The following TNFAIP8 variants were observed in gnomAD, a reference collection of about 807,000 sequenced individuals.
TNFAIP8 encodes the protein TNF alpha induced protein 8.
In TNFAIP8, 7 loss-of-function variants were observed where a neutral mutation model predicts 13.3. The ratio of observed to expected loss-of-function variants is 0.52; its 90% CI spans 0.30 to 0.99. TNFAIP8 has a LOEUF of 0.99. Ranked by LOEUF, TNFAIP8 falls within the 50% of genes least tolerant of loss-of-function variation. The pLI is 0.07. For missense variants in TNFAIP8, 258 were observed against 236.9 expected (o/e 1.09, Z -0.58); for synonymous variants, 94 against 87.6 (o/e 1.07, Z -0.41).
chr5:119,382,059 T>C (rs1006592821), intron 1 of TNFAIP8, among the ~76,000 whole-genome samples: 5 of 152,248 alleles, frequency 3.3e-5, no homozygotes, highest in Admixed American at 1.3e-4. Flanking sequence ...TTCTGACATA[T>C]AGGTACACTG....
intron 1 of TNFAIP8, among the ~76,000 whole-genome samples, chr5:119,299,335 C>T (rs1181470976): frequency 1.3e-5 from 2 of 152,128 alleles, no homozygotes; most frequent in East Asian, 1.9e-4. Flanking sequence ...AGTCAGGACC[C>T]TCAGCTGCAG....
chr5:119,373,978 T>C (rs958711785), intron 1 of TNFAIP8, among the ~76,000 whole-genome samples: 1 of 152,208 alleles, frequency 6.6e-6, no homozygotes, highest in Non-Finnish European at 1.5e-5. Context: ...TTTTTCCTCA[T>C]TGAATTATTT....
chr5:119,273,766 G>A (rs1289609072), intron 1 of TNFAIP8, among the ~76,000 whole-genome samples: 1 of 152,192 alleles, frequency 6.6e-6, no homozygotes, highest in African/African-American at 2.4e-5. Context: ...GAAGTTGCGT[G>A]AGGTCCGGGA....
At chr5:119,302,197 G>A (rs1749417511) in intron 1 of TNFAIP8, among the ~76,000 whole-genome samples, 1 of 152,206 alleles carries the variant, frequency 6.6e-6, no homozygotes, top group Admixed American at 6.5e-5. Context: ...CAAACCACCT[G>A]TTGAATTTGG....
chr5:119,360,093 A>G (rs1751576206), intron 1 of TNFAIP8, among the ~76,000 whole-genome samples: 1 of 152,132 alleles, frequency 6.6e-6, no homozygotes, highest in South Asian at 2.1e-4. Context: ...CACTTCTGAA[A>G]TTTTTATCAT....
At chr5:119,332,366 G>C (rs1015514268) in intron 1 of TNFAIP8, among the ~76,000 whole-genome samples, 3 of 151,984 alleles carry the variant, frequency 2.0e-5, no homozygotes, top group East Asian at 1.9e-4. Context: ...AATTATTCAG[G>C]GGTGTTAAAT....
At chr5:119,290,737 C>T (rs1404606855) in intron 1 of TNFAIP8, among the ~76,000 whole-genome samples, 1 of 152,080 alleles carries the variant, frequency 6.6e-6, no homozygotes, top group Non-Finnish European at 1.5e-5. Flanking sequence ...TGGGATGCCT[C>T]AAAGGAAGGA....
chr5:119,294,406 C>A (rs1179386785), intron 1 of TNFAIP8, among the ~76,000 whole-genome samples: 5 of 152,034 alleles, frequency 3.3e-5, no homozygotes, highest in Non-Finnish European at 5.9e-5. Flanking sequence ...ATAGTATTCC[C>A]TGGTGTATAT....
chr5:119,347,828 C>G (rs1490011370), intron 1 of TNFAIP8, among the ~76,000 whole-genome samples: 1 of 152,182 alleles, frequency 6.6e-6, no homozygotes, highest in African/African-American at 2.4e-5. Context: ...CCTATGTCAG[C>G]CTTTTCTGTC....
intron 1 of TNFAIP8, among the ~76,000 whole-genome samples, chr5:119,373,763 CT>C (rs1752175848): frequency 6.6e-6 from 1 of 152,138 alleles, no homozygotes; most frequent in Non-Finnish European, 1.5e-5. Flanking sequence ...ATTAAATCAT[CT>C]TCAGTCATAT....
chr5:119,285,454 G>A lies in TNFAIP8; in HGVS notation c.1+16547G>A, dbSNP rs926932983. 3.3e-5 allele frequency among the ~76,000 whole-genome samples: 5 copies of A among 152,148 alleles called. No homozygotes were observed. The East Asian group carries it at 9.6e-4, about 29-fold the overall frequency. On this transcript the variant is annotated intron_variant, in intron 1 of 1. Coordinates refer to the TNFAIP8 transcript ENST00000274456. ...TGGAATGAGGAATTCTGCACAAGTG[G>A]CTTTGGGTGGGAAGTCAGGAAGAAC... is the stretch of plus-strand genomic sequence containing the variant.
At chr5:119,314,104 CAGG>C (rs1175625707) in intron 1 of TNFAIP8, among the ~76,000 whole-genome samples, 1 of 152,162 alleles carries the variant, frequency 6.6e-6, no homozygotes, top group African/African-American at 2.4e-5. Context: ...GTGGCTGAGG[CAGG>C]AGGATTACTT....
chr5:119,353,688 T>C (rs577206276), upstream of TNFAIP8, among the ~76,000 whole-genome samples: 39 of 142,628 alleles, frequency 2.7e-4, no homozygotes, highest in African/African-American at 9.5e-4. Flanking sequence ...CATTCAGCAG[T>C]TGTAAAACAA....
At chr5:119,390,185 C>G (rs963383534) in intron 1 of TNFAIP8, among the ~76,000 whole-genome samples, 1 of 152,054 alleles carries the variant, frequency 6.6e-6, no homozygotes, top group Non-Finnish European at 1.5e-5. Flanking sequence ...GTAGACTGTG[C>G]CATGTTCTAA....
intron 1 of TNFAIP8, among the ~76,000 whole-genome samples, chr5:119,270,297 T>A (rs1748241621): frequency 6.6e-6 from 1 of 152,252 alleles, no homozygotes. Flanking sequence ...AACATTATAC[T>A]TTGCAGTGTA....
intron 1 of TNFAIP8, among the ~76,000 whole-genome samples, chr5:119,380,848 A>G (rs145259515): frequency 1.3e-5 from 2 of 152,354 alleles, no homozygotes; most frequent in East Asian, 1.9e-4. Context: ...TAAATGTTTA[A>G]TATAGTGAGC....
rs550804733 is a variant in TNFAIP8, at chr5:119,280,366, C to G, written c.1+11459C>G. On this transcript the variant is annotated intron_variant, in intron 1 of 1. Transcript: ENST00000274456. ...AAAAGATGTTTAAGTCTCTTTTAAT[C>G]TACAGACCCCTCTACCAGAGTCTCC... Among the ~76,000 whole-genome samples, 13 of 150,366 alleles carry G rather than the reference C, an allele frequency of 8.6e-5. No homozygotes were observed. In the South Asian group the frequency reaches 2.7e-3, roughly 31 times the overall value.
chr5:119,323,380 C>G (rs1276680048), intron 1 of TNFAIP8, among the ~76,000 whole-genome samples: 1 of 152,146 alleles, frequency 6.6e-6, no homozygotes, highest in Non-Finnish European at 1.5e-5. Flanking sequence ...CAAGCACATT[C>G]CCACCCCACC....
At chr5:119,365,689 A>C (rs1751823997) in intron 1 of TNFAIP8, among the ~76,000 whole-genome samples, 1 of 152,194 alleles carries the variant, frequency 6.6e-6, no homozygotes, top group African/African-American at 2.4e-5. Flanking sequence ...GAGTGTTCTT[A>C]TTATTAAGCA....
Sources: gnomAD v4.1 joint callset for allele counts (sites outside exome capture counted in the v4.1 genomes callset) on GRCh38, gnomAD v4.1.1 for gene constraint, MANE v1.5 for transcripts, NCBI Gene and HGNC (gene_info 2026-07-23, HGNC 2026-07-21) for gene names.